Variants in RGMA observed in about 807,000 individuals in gnomAD.
RGMA encodes repulsive guidance molecule A.
RGMA carries 10 observed loss-of-function variants against 23.2 expected under a neutral mutation model. That is an observed-to-expected ratio of 0.43 (90% CI 0.27 to 0.73). RGMA has a LOEUF of 0.73. Among genes scored for constraint, RGMA ranks in the 30% least tolerant of loss-of-function variants. The pLI is 0.20. For missense variants in RGMA, 547 were observed against 630.5 expected, an observed-to-expected ratio of 0.87 and a Z score of 1.42; for synonymous variants, 308 against 279.3, an observed-to-expected ratio of 1.10 and a Z score of -1.03.
chr15:93,074,015 T>C (rs1220363773), intron 1 of RGMA: 2 of 1,380,506 alleles, frequency 1.4e-6, no homozygotes, highest in Non-Finnish European at 1.9e-6. Context: ...GTCGCTTATT[T>C]TTCTGGGAAA....
rs1035779983 is a variant in RGMA at position 93,035,306 on chromosome 15, A to T, written c.*9692T>A. On this transcript the variant is annotated 3_prime_UTR_variant, in exon 4 of 4. Coordinates refer to ENST00000329082, the MANE Select transcript of RGMA (RefSeq NM_020211.3). ...TAAAACTTTATTGACGGCATATGTT[A>T]AAGACAGTAAGAAAGACTTTATTTG... 5.9e-5 allele frequency: 9 copies of T among 152,246 alleles called. No individual in the cohort carries two copies. Among genetic ancestry groups the T allele is most frequent in the African/African-American group, 2.2e-4 (9 of 41,428 alleles). The allele number at this position is 152,246 out of a possible 1,614,324, so 9.4% of individuals were successfully genotyped here. A position where few individuals can be genotyped will look rare whatever the true frequency, so the allele number is the denominator to read the frequency against.
intron 1 of RGMA, among the ~76,000 whole-genome samples, chr15:93,075,669 C>T (rs904238539): frequency 6.6e-6 from 1 of 152,056 alleles, no homozygotes; most frequent in African/African-American, 2.4e-5. Flanking sequence ...TATTGTCACT[C>T]CAAGACTACA....
At chr15:93,084,428 T>A (rs1895605156) in intron 1 of RGMA, among the ~76,000 whole-genome samples, 1 of 152,204 alleles carries the variant, frequency 6.6e-6, no homozygotes, top group South Asian at 2.1e-4. Flanking sequence ...CCAAACTTTG[T>A]GAAAGCACCT....
chr15:93,075,144 G>T (rs1335825723), intron 1 of RGMA, among the ~76,000 whole-genome samples: 2 of 144,842 alleles, frequency 1.4e-5, no homozygotes, highest in African/African-American at 5.1e-5. Flanking sequence ...CTTCAACTAT[G>T]TTACAATTTA....
At chr15:93,054,522 G>A (rs1386073748) in intron 2 of RGMA, among the ~76,000 whole-genome samples, 1 of 152,174 alleles carries the variant, frequency 6.6e-6, no homozygotes, top group Admixed American at 6.5e-5. Flanking sequence ...ATAAATGGGA[G>A]TTCCCCTGCA....
chr15:93,058,047 C>T (rs902813597), intron 2 of RGMA, among the ~76,000 whole-genome samples: 10 of 152,134 alleles, frequency 6.6e-5, no homozygotes, highest in Admixed American at 2.6e-4. Flanking sequence ...GGAGAAGATG[C>T]GGTGAGAAAC....
intron 2 of RGMA, among the ~76,000 whole-genome samples, chr15:93,058,425 G>A (rs2055048513): frequency 6.6e-6 from 1 of 152,246 alleles, no homozygotes; most frequent in South Asian, 2.1e-4. Flanking sequence ...AGGCACTGAT[G>A]TGAGCAAAGC....
chr15:93,071,528 G>A (rs1895321391), intron 2 of RGMA, among the ~76,000 whole-genome samples: 1 of 152,204 alleles, frequency 6.6e-6, no homozygotes, highest in Admixed American at 6.5e-5. Context: ...GCGGCTCTCT[G>A]CGACCCTTCT....
At chr15:93,046,216 A>T (rs759639361) in intron 3 of RGMA, among the ~76,000 whole-genome samples, 3 of 152,202 alleles carry the variant, frequency 2.0e-5, no homozygotes, top group African/African-American at 7.2e-5. Context: ...AAGTATCTTT[A>T]TAAGAAGGAG....
chr15:93,064,301 T>C (rs903821487), intron 2 of RGMA, among the ~76,000 whole-genome samples: 5 of 152,238 alleles, frequency 3.3e-5, no homozygotes, highest in African/African-American at 1.2e-4. Flanking sequence ...AGATAGGTGA[T>C]TATAGGCAGA....
chr15:93,064,433 C>T (rs1307558080), intron 2 of RGMA, among the ~76,000 whole-genome samples: 5 of 152,252 alleles, frequency 3.3e-5, no homozygotes, highest in Admixed American at 2.6e-4. Context: ...GGCTCCTCCG[C>T]CTAGCCTGCG....
At chr15:93,048,418 G>A (rs906105029) in intron 3 of RGMA, among the ~76,000 whole-genome samples, 1 of 152,162 alleles carries the variant, frequency 6.6e-6, no homozygotes, top group Non-Finnish European at 1.5e-5. Context: ...GGCACCCGGC[G>A]CTGTGCTTTC....
At position 93,045,059 on chromosome 15, in the gene RGMA, G is replaced by T. The variant is rs4778078; in HGVS notation, c.1292C>A (p.Ala431Asp). 2.5e-6 allele frequency: 4 copies of T among 1,572,698 alleles called. No homozygotes were observed. Among genetic ancestry groups the T allele is most frequent in the Non-Finnish European group, 2.6e-6 (3 of 1,159,142 alleles). The change falls in exon 4 of 4, where the codon GCC becomes GAC. Residue 431 changes from alanine to aspartate, a missense_variant. Transcript: ENST00000329082. This position sits in a 1 kb window ranked among gnomAD's most constrained non-coding sequence, Gnocchi z 6.9. ...PGRAAAGLPLAPRPLLGALVP... is the reference protein window; with the variant it reads ...PGRAAAGLPLDPRPLLGALVP... ...GAGGGCGCCCAGGAGGGGCCGGGGG[G>T]CCAGGGGCAGCCCCGCAGCCGCCCT...
chr15:93,083,492 T>C (rs1895590975), intron 1 of RGMA, among the ~76,000 whole-genome samples: 1 of 152,056 alleles, frequency 6.6e-6, no homozygotes, highest in African/African-American at 2.4e-5. Context: ...CATGCCCGGC[T>C]AATTTTTGTA....
intron 2 of RGMA, among the ~76,000 whole-genome samples, chr15:93,064,979 A>AT (rs1895093929): frequency 1.3e-5 from 2 of 151,632 alleles, no homozygotes; most frequent in East Asian, 1.9e-4. Flanking sequence ...ACCACATGGT[A>AT]ATTTTTTTTT....
chr15:93,083,620 C>T (rs75490980), intron 1 of RGMA, among the ~76,000 whole-genome samples: 11,847 of 152,282 alleles, frequency 0.078, 644 homozygotes, highest in South Asian at 0.12. Flanking sequence ...TGAGCCACCA[C>T]GCCCAGCCAA....
intron 1 of RGMA, among the ~76,000 whole-genome samples, chr15:93,079,665 C>T (rs904053960): frequency 2.6e-5 from 4 of 152,106 alleles, no homozygotes; most frequent in Non-Finnish European, 5.9e-5. Context: ...ACTAAAAATA[C>T]AATAATTAGC....
rs574979414 is a variant in RGMA at position 93,045,033 on chromosome 15, C to A, written c.1318G>T (p.Val440Phe). Residue 440 changes from valine (V) to phenylalanine (F), a missense_variant, in exon 4 of 4, where the codon GTC becomes TTC. This residue lies in a region of RGMA where 205 missense variants were observed against 204.1 expected (regional missense o/e 1.00). Coordinates refer to ENST00000329082, the MANE Select transcript of RGMA (RefSeq NM_020211.3). The surrounding 1 kb of genome is among the most constrained non-coding windows in gnomAD (Gnocchi z 6.9). ...ACAGGGAGCAGGGCCAGGAGCGGGA[C>A]GAGGGCGCCCAGGAGGGGCCGGGGG... is the stretch of plus-strand genomic sequence containing the variant. ...LAPRPLLGAL[V>F]PLLALLPVFC 1 of 1,598,408 alleles carries A rather than the reference C, an allele frequency of 6.3e-7. No homozygotes were observed. The highest frequency in any genetic ancestry group is 8.5e-7 in the Non-Finnish European group (1 of 1,172,904).
chr15:93,072,961 C>A lies in RGMA; in HGVS notation c.85G>T (p.Gly29Ter). Reference sequence around the variant, plus strand: ...AGGAAGGCGAGGGTCGGCCAGAATCCCAGGGCTGAACGTCCTGCCCCTCTC... The same window carrying A: ...AGGAAGGCGAGGGTCGGCCAGAATCACAGGGCTGAACGTCCTGCCCCTCTC... ...MGRGAGRSAL[G>*]FWPTLAFLLC... Residue 29 changes from glycine (G) to a stop codon, truncating the protein, a stop_gained, in exon 2 of 4, where the codon GGA (glycine) becomes TGA (stop). Transcript: ENST00000329082. LOFTEE classifies it high-confidence loss of function. 1 of 1,611,562 alleles carries A rather than the reference C, an allele frequency of 6.2e-7. No individual in the cohort carries two copies. Among genetic ancestry groups the A allele is most frequent in the East Asian group, 2.2e-5 (1 of 44,760 alleles).
Sources: allele counts gnomAD v4.1 joint callset (sites outside exome capture counted in the v4.1 genomes callset), GRCh38; gene constraint gnomAD v4.1.1; regional missense constraint gnomAD v4.1.1; non-coding constraint Gnocchi (gnomAD v3.1); transcripts MANE v1.5; gene names NCBI Gene and HGNC (gene_info 2026-07-23, HGNC 2026-07-21).